The following MCC variants were observed in gnomAD, a reference collection of about 807,000 sequenced individuals.
MCC encodes the protein colorectal mutant cancer protein.
In MCC, 90 loss-of-function variants were observed where a neutral mutation model predicts 116.2. The observed-to-expected ratio is 0.77, with a 90% CI of 0.65 to 0.92. MCC has a LOEUF of 0.92. Ranked by LOEUF, MCC falls within the 40% of genes least tolerant of loss-of-function variation. The probability of loss-of-function intolerance (pLI) is 0.00; values close to 1 mark genes in which losing one functional copy is unlikely to be tolerated. For synonymous variants in MCC, 578 were observed against 510.5 expected (o/e 1.13, Z -1.78); for missense variants, 1,516 against 1,312.2 (o/e 1.16, Z -2.40).
chr5:113,085,332 A>G (rs1204073013), intron 8 of MCC, 22 bp from the exon 9 acceptor site: 2 of 1,589,414 alleles, frequency 1.3e-6, no homozygotes, highest in African/African-American at 2.7e-5. Flanking sequence ...ATGCTTTTAG[A>G]CATAGTTGGT....
At chr5:113,161,640 G>A (rs1425216851) in intron 3 of MCC, among the ~76,000 whole-genome samples, 1 of 127,530 alleles carries the variant, frequency 7.8e-6, no homozygotes, top group Non-Finnish European at 1.6e-5. Context: ...GTGTGTGTGT[G>A]TGTGTGTGTG....
chr5:113,291,556 A>G (rs4108701), intron 3 of MCC, among the ~76,000 whole-genome samples: 60,415 of 151,994 alleles, frequency 0.4, 15,904 homozygotes, highest in African/African-American at 0.74. Flanking sequence ...AGTTCTTCCT[A>G]CCCCTGAAAT....
chr5:113,225,857 G>C (rs1308988165), intron 3 of MCC, among the ~76,000 whole-genome samples: 1 of 152,208 alleles, frequency 6.6e-6, no homozygotes, highest in African/African-American at 2.4e-5. Flanking sequence ...TGAGAGAGCT[G>C]GCAGGTGGTA....
chr5:113,332,143 C>T (rs1767711780), intron 3 of MCC, among the ~76,000 whole-genome samples: 1 of 151,540 alleles, frequency 6.6e-6, no homozygotes, highest in Non-Finnish European at 1.5e-5. Context: ...CCAAATACTA[C>T]CCCAAATGTA....
chr5:113,242,372 A>T (rs1235816274), intron 3 of MCC, among the ~76,000 whole-genome samples: 1 of 152,200 alleles, frequency 6.6e-6, no homozygotes, highest in African/African-American at 2.4e-5. Context: ...TAGGAGGAGG[A>T]ACAGCCAATA....
chr5:113,045,094 A>G (rs997179261), intron 16 of MCC, among the ~76,000 whole-genome samples: 1 of 152,192 alleles, frequency 6.6e-6, no homozygotes, highest in Non-Finnish European at 1.5e-5. Flanking sequence ...GAATCTGTTG[A>G]GATTCCCACA....
At chr5:113,347,499 T>TAAAAC (rs561498912) in intron 2 of MCC, among the ~76,000 whole-genome samples, 7 of 151,868 alleles carry the variant, frequency 4.6e-5, no homozygotes. Context: ...TAAAGTATAA[T>TAAAAC]AAAACAAAAC....
At chr5:113,484,964 G>C (rs1019456003) in intron 1 of MCC, among the ~76,000 whole-genome samples, 1 of 152,162 alleles carries the variant, frequency 6.6e-6, no homozygotes, top group Non-Finnish European at 1.5e-5. Context: ...CCCAAATCCA[G>C]CGGGGTCCCA....
rs913068683 is a variant in MCC, at chr5:113,360,895, C to T, written c.416-20165G>A. Among the ~76,000 whole-genome samples the T allele has an allele frequency of 8.5e-5, 13 of 152,130 alleles. No individual in the cohort carries two copies. In the East Asian group the frequency reaches 1.2e-3, roughly 14 times the overall value. On this transcript the variant is annotated intron_variant, in intron 2 of 18. Transcript: ENST00000408903. The stretch of plus-strand genomic sequence containing the variant: ...TTGCTACCTGTGCAAAGCAGAGGCC[C>T]CTGGATGTCCTACTCCTGCTATGTA...
intron 1 of MCC, among the ~76,000 whole-genome samples, chr5:113,406,094 T>C (rs1561554934): frequency 6.6e-6 from 1 of 152,148 alleles, no homozygotes; most frequent in Non-Finnish European, 1.5e-5. Context: ...ATCTTAGAAA[T>C]AACAACCGAG....
chr5:113,053,137 C>T (rs895549318), intron 15 of MCC, among the ~76,000 whole-genome samples: 5 of 152,130 alleles, frequency 3.3e-5, no homozygotes. Context: ...TCCAAGAAAG[C>T]TCCCTTCTGT....
At position 113,053,711 on chromosome 5, in the gene MCC, CACCCACCACAT is replaced by C. The variant is rs1752632149; in HGVS notation, c.2448+3_2448+13del. 6.3e-7 allele frequency: 1 copy of C among 1,585,018 alleles called. No homozygotes were observed. The highest frequency in any genetic ancestry group is 8.7e-7 in the Non-Finnish European group (1 of 1,155,534). On this transcript the variant is annotated splice_donor_5th_base_variant and intron_variant, in intron 15 of 18. Transcript: ENST00000408903. Reference sequence around the variant, plus strand: ...TGGTGGCAGCCTAGCACATGGGACCCACCCACCACATACCTTCATGGCCATGAGCTCCTGCA... The same window carrying C: ...TGGTGGCAGCCTAGCACATGGGACCCACCTTCATGGCCATGAGCTCCTGCA...
At chr5:113,214,570 T>C (rs952967892) in intron 3 of MCC, among the ~76,000 whole-genome samples, 4 of 152,150 alleles carry the variant, frequency 2.6e-5, no homozygotes, top group Non-Finnish European at 4.4e-5. Flanking sequence ...CTTGACTCCT[T>C]CTGCTTCTTC....
At chr5:113,473,709 A>G (rs935825407) in intron 1 of MCC, among the ~76,000 whole-genome samples, 4 of 152,222 alleles carry the variant, frequency 2.6e-5, no homozygotes, top group African/African-American at 9.6e-5. Flanking sequence ...TTTTGAAAAT[A>G]CTATTACTGC....
chr5:113,262,553 A>G (rs1231206042), intron 3 of MCC, among the ~76,000 whole-genome samples: 1 of 152,200 alleles, frequency 6.6e-6, no homozygotes, highest in Non-Finnish European at 1.5e-5. Context: ...ACGTTTATAC[A>G]TGTCACCTTA....
chr5:113,060,143 T>A (rs1753117812), intron 14 of MCC, among the ~76,000 whole-genome samples: 2 of 150,258 alleles, frequency 1.3e-5, no homozygotes, highest in Non-Finnish European at 3.0e-5. Flanking sequence ...AAGGAGCAGC[T>A]CTTTTTGTTT....
intron 11 of MCC, among the ~76,000 whole-genome samples, chr5:113,071,960 T>C (rs935720932): frequency 9.2e-5 from 14 of 152,314 alleles, no homozygotes; most frequent in African/African-American, 2.9e-4. Context: ...AGGATAAGCA[T>C]TGGGAACTTG....
rs143368813 is a variant in MCC, at chr5:113,319,731, C to A, written c.627+20788G>T. Among the ~76,000 whole-genome samples, 115 of 152,284 alleles carry A rather than the reference C, an allele frequency of 7.6e-4. 1 individual carries two copies. The Middle Eastern group carries it at 0.014, about 18-fold the overall frequency. ...AATCTTACACAATGTTGATGTCTAA[C>A]AGCATTCAAACATGTTGGCTCTAGG... On this transcript the variant is annotated intron_variant, in intron 3 of 18. Coordinates refer to ENST00000408903, the MANE Select transcript of MCC (RefSeq NM_001085377.2).
chr5:113,082,990 C>G lies in MCC; in HGVS notation c.1654G>C (p.Glu552Gln). Reference protein sequence around the residue: ...SSIGVSSSVAEHLAHSLQDCS... With the variant: ...SSIGVSSSVAQHLAHSLQDCS... Reference sequence around the variant, plus strand: ...TCCTGAAGTGAGTGGGCCAGGTGTTCAGCCACACTGCTGGATACCTGCAAA... The same window carrying G: ...TCCTGAAGTGAGTGGGCCAGGTGTTGAGCCACACTGCTGGATACCTGCAAA... Residue 552 changes from glutamate to glutamine, a missense_variant, in exon 11 of 19, where the codon GAA becomes CAA. Physicochemically the swap from Glu to Gln is conservative, Grantham distance 29. Transcript: ENST00000408903. 1 of 1,613,778 alleles carries G rather than the reference C, an allele frequency of 6.2e-7. No homozygotes were observed. Among genetic ancestry groups the G allele is most frequent in the Non-Finnish European group, 8.5e-7 (1 of 1,179,894 alleles).
Sources: allele counts gnomAD v4.1 joint callset (sites outside exome capture counted in the v4.1 genomes callset), GRCh38; gene constraint gnomAD v4.1.1; transcripts MANE v1.5; gene names NCBI Gene and HGNC (gene_info 2026-07-23, HGNC 2026-07-21).